The following PRKACA variants were observed in gnomAD, a reference collection of about 807,000 sequenced individuals.
PRKACA encodes the protein protein kinase cAMP-activated catalytic subunit alpha, also known as cAMP-dependent protein kinase catalytic subunit alpha.
PRKACA carries 9 observed loss-of-function variants against 45.8 expected under a neutral mutation model. That is an observed-to-expected ratio of 0.20 (90% CI 0.12 to 0.34). PRKACA has a LOEUF of 0.34. Among genes scored for constraint, PRKACA ranks in the 10% least tolerant of loss-of-function variants. The pLI, the probability that PRKACA is intolerant of heterozygous loss-of-function variation, is 1.00. For missense variants in PRKACA, 238 were observed against 458.6 expected, an observed-to-expected ratio of 0.52 and a Z score of 4.39; for synonymous variants, 160 against 178.6, an observed-to-expected ratio of 0.90 and a Z score of 0.83.
chr19:14,095,539 G>A (rs1159741870), intron 8 of PRKACA, among the ~76,000 whole-genome samples: 1 of 151,316 alleles, frequency 6.6e-6, no homozygotes, highest in Non-Finnish European at 1.5e-5. Context: ...CTTTTTTTGA[G>A]ACAGAGTCTT....
intron 1 of PRKACA, 47 bp from the exon 2 acceptor site, chr19:14,107,456 G>C (rs754946012): frequency 6.3e-7 from 1 of 1,586,896 alleles, no homozygotes. Flanking sequence ...CCGTCTCACC[G>C]GGGTGGGTTC....
intron 1 of PRKACA, among the ~76,000 whole-genome samples, chr19:14,108,733 TA>T (rs1977687284): frequency 6.9e-6 from 1 of 144,716 alleles, no homozygotes; most frequent in African/African-American, 2.6e-5. Flanking sequence ...TAATTATTAT[TA>T]TTTTTTTTTT....
chr19:14,093,041 AACCCTC>A lies in PRKACA; in HGVS notation c.*65_*70del. On this transcript the variant is annotated 3_prime_UTR_variant, in exon 10 of 10. Transcript: ENST00000308677. ...CTGGGGCCCTCTGGCTGTTCAATCCAACCCTCCCACCCCCCCGACCAAAAAAAAGAA... is the reference window on the plus strand; with the variant it reads ...CTGGGGCCCTCTGGCTGTTCAATCCACCACCCCCCCGACCAAAAAAAAGAA... 2 of 500,030 alleles carry A rather than the reference AACCCTC, an allele frequency of 4.0e-6. No homozygotes were observed. The highest frequency in any genetic ancestry group is 3.6e-6 in the Non-Finnish European group (1 of 278,314). 31.0% of individuals were successfully genotyped at this position (500,030 alleles called of 1,614,324 possible). A position where few individuals can be genotyped will look rare whatever the true frequency, so the allele number is the denominator to read the frequency against.
At chr19:14,099,692 C>A (rs13382032) in intron 5 of PRKACA, among the ~76,000 whole-genome samples, 13,257 of 151,142 alleles carry the variant, frequency 0.088, 1,875 homozygotes, top group African/African-American at 0.3. Flanking sequence ...TTGGCCTCCC[C>A]AAGTGGGATT....
At chr19:14,112,535 C>T (rs952189664) in intron 1 of PRKACA, 18 of 152,338 alleles carry the variant, frequency 1.2e-4, no homozygotes, top group African/African-American at 4.1e-4. Context: ...CAGGAAAACG[C>T]AGAGCCTCTA....
rs1294224956 is a variant in PRKACA, at chr19:14,091,959, T to G, written c.*1153A>C. 6.6e-6 allele frequency: 1 copy of G among 152,060 alleles called. No individual in the cohort carries two copies. Among genetic ancestry groups the G allele is most frequent in the African/African-American group, 2.4e-5 (1 of 41,378 alleles). The allele number at this position is 152,060 out of a possible 1,614,324, so 9.4% of individuals were successfully genotyped here. A position where few individuals can be genotyped will look rare whatever the true frequency, so the allele number is the denominator to read the frequency against. On this transcript the variant is annotated 3_prime_UTR_variant, in exon 10 of 10. Coordinates refer to ENST00000308677, the MANE Select transcript of PRKACA (RefSeq NM_002730.4). ...AAATGAGAAAGTGGGGGAGAGGTGA[T>G]GGACAGCTGACAGCTAAGCTGGAGG...
At position 14,092,884 on chromosome 19, in the gene PRKACA, G is replaced by A. The variant is rs1481219206; in HGVS notation, c.*228C>T. On this transcript the variant is annotated 3_prime_UTR_variant, in exon 10 of 10. Transcript: ENST00000308677. ...GCTGTGGGGAAAGAGGAAGGGAAAAGTGGGAGAGGGGGCAGGAGGGTGAAG... is the reference window on the plus strand; with the variant it reads ...GCTGTGGGGAAAGAGGAAGGGAAAAATGGGAGAGGGGGCAGGAGGGTGAAG... 1 of 532,988 alleles carries A rather than the reference G, an allele frequency of 1.9e-6. No homozygotes were observed. Among genetic ancestry groups the A allele is most frequent in the Non-Finnish European group, 3.3e-6 (1 of 307,276 alleles). The allele number at this position is 532,988 out of a possible 1,614,324, so 33.0% of individuals were successfully genotyped here. A position where few individuals can be genotyped will look rare whatever the true frequency, so the allele number is the denominator to read the frequency against.
At chr19:14,111,697 C>T (rs3786661) in intron 1 of PRKACA, among the ~76,000 whole-genome samples, 25,793 of 152,236 alleles carry the variant, frequency 0.17, 2,761 homozygotes, top group South Asian at 0.26. Flanking sequence ...ACCTTAGTCT[C>T]CCAAAGTGCT....
chr19:14,100,773 T>G, intron 5 of PRKACA, 53 bp downstream of exon 5: 1 of 1,567,740 alleles, frequency 6.4e-7, no homozygotes, highest in Non-Finnish European at 8.8e-7. Flanking sequence ...GGTCGTGCAC[T>G]GCCACCTGTG....
At chr19:14,111,489 G>C (rs1057387232) in intron 1 of PRKACA, among the ~76,000 whole-genome samples, 1 of 152,216 alleles carries the variant, frequency 6.6e-6, no homozygotes, top group African/African-American at 2.4e-5. Context: ...AGAGGGGATA[G>C]GCAATGAATG....
At chr19:14,116,077 T>C (rs879627769) in intron 1 of PRKACA, among the ~76,000 whole-genome samples, 14 of 152,208 alleles carry the variant, frequency 9.2e-5, no homozygotes, top group African/African-American at 3.4e-4. Flanking sequence ...TCCCTGGCTT[T>C]CATACCTTTC....
At chr19:14,093,572 C>T in intron 9 of PRKACA, 56 bp downstream of exon 9, 1 of 1,563,782 alleles carries the variant, frequency 6.4e-7, no homozygotes, top group Non-Finnish European at 8.7e-7. Flanking sequence ...TGGCTGTCCT[C>T]CCTGACTCTT....
rs1242216615 is a variant in PRKACA, at chr19:14,114,311, C to A, written c.46+3191G>T. 1.0e-5 allele frequency: 10 copies of A among 955,534 alleles called. No individual in the cohort carries two copies. The South Asian group carries it at 1.2e-4, about 11-fold the overall frequency. The allele number at this position is 955,534 out of a possible 1,614,324, so 59.2% of individuals were successfully genotyped here. A position where few individuals can be genotyped will look rare whatever the true frequency, so the allele number is the denominator to read the frequency against. Reference sequence around the variant, plus strand: ...CAGGAAGAGAAACCCAACCCAGAGGCCACTGGGTGTGGAGGAGGGACAGAT... The same window carrying A: ...CAGGAAGAGAAACCCAACCCAGAGGACACTGGGTGTGGAGGAGGGACAGAT... On this transcript the variant is annotated intron_variant, in intron 1 of 9. Coordinates refer to ENST00000308677, the MANE Select transcript of PRKACA (RefSeq NM_002730.4).
At position 14,097,542 on chromosome 19, in the gene PRKACA, G is replaced by C. The variant is rs756427847; in HGVS notation, c.642+37C>G. Reference sequence around the variant, plus strand: ...GAGGCGAGAGCAGGAGAGCAGAGCCGGCCTCAGGGGAAGGGGAGGGCTGGG... The same window carrying C: ...GAGGCGAGAGCAGGAGAGCAGAGCCCGCCTCAGGGGAAGGGGAGGGCTGGG... On this transcript the variant is annotated intron_variant, in intron 7 of 9. Transcript: ENST00000308677. The surrounding 1 kb of genome is among the most constrained non-coding windows in gnomAD (Gnocchi z 5.4). The C allele has an allele frequency of 6.2e-7, 1 of 1,613,282 alleles. No homozygotes were observed. Among genetic ancestry groups the C allele is most frequent in the African/African-American group, 1.3e-5 (1 of 75,014 alleles).
intron 4 of PRKACA, among the ~76,000 whole-genome samples, chr19:14,102,108 G>A (rs1977459293): frequency 2.0e-5 from 3 of 152,178 alleles, no homozygotes; most frequent in Admixed American, 2.0e-4. Flanking sequence ...AGGTTGTAGT[G>A]AGCCAAGATT....
intron 1 of PRKACA, among the ~76,000 whole-genome samples, chr19:14,114,906 A>G (rs1030943212): frequency 6.6e-6 from 1 of 152,236 alleles, no homozygotes; most frequent in Non-Finnish European, 1.5e-5. Context: ...GTGCCTCCCA[A>G]GGCCTGGGCA....
intron 1 of PRKACA, among the ~76,000 whole-genome samples, chr19:14,115,753 C>T (rs2144498748): frequency 6.6e-6 from 1 of 152,212 alleles, no homozygotes; most frequent in African/African-American, 2.4e-5. Flanking sequence ...TGTCTGATAG[C>T]CTTGAAGGTT....
chr19:14,096,351 G>GTTTTTTTTT (rs757373093), intron 8 of PRKACA: 1 of 108,340 alleles, frequency 9.2e-6, no homozygotes. Flanking sequence ...CGGCCAGTTT[G>GTTTTTTTTT]TTTTTTTTTT....
chr19:14,117,449 G>T, intron 1 of PRKACA, 53 bp downstream of exon 1: 1 of 1,256,490 alleles, frequency 8.0e-7, no homozygotes, highest in South Asian at 3.2e-5. Flanking sequence ...TGATGGACAA[G>T]GCCAGGGCTG....
Sources: allele counts gnomAD v4.1 joint callset (sites outside exome capture counted in the v4.1 genomes callset), GRCh38; gene constraint gnomAD v4.1.1; non-coding constraint Gnocchi (gnomAD v3.1); transcripts MANE v1.5; gene names NCBI Gene and HGNC (gene_info 2026-07-23, HGNC 2026-07-21).